The following MAEA variants were observed in gnomAD, a reference collection of about 807,000 sequenced individuals.
MAEA encodes the protein macrophage erythroblast attacher, E3 ubiquitin ligase.
In MAEA, 22 loss-of-function variants were observed where a neutral mutation model predicts 46.2. The observed-to-expected ratio is 0.48, with a 90% confidence interval of 0.34 to 0.68. The LOEUF (loss-of-function observed/expected upper bound fraction) is 0.68. Among genes scored for constraint, MAEA ranks in the 30% least tolerant of loss-of-function variants. The pLI, the probability that MAEA is intolerant of heterozygous loss-of-function variation, is 0.01. For synonymous variants in MAEA, 246 were observed against 222.6 expected, an observed-to-expected ratio of 1.11 and a Z score of -0.94; for missense variants, 393 against 558.1, an observed-to-expected ratio of 0.70 and a Z score of 2.98.
intron 3 of MAEA, among the ~76,000 whole-genome samples, chr4:1,320,565 T>C (rs4974548): frequency 0.69 from 97,620 of 140,940 alleles, 35,007 homozygotes; most frequent in African/African-American, 0.91. Context: ...TGCAAGAAAA[T>C]GCTATGAAGG....
At chr4:1,317,632 G>A (rs1045537694) in intron 3 of MAEA, among the ~76,000 whole-genome samples, 7 of 152,110 alleles carry the variant, frequency 4.6e-5, no homozygotes, top group African/African-American at 1.2e-4. Flanking sequence ...GTGAGTCCTC[G>A]TGTCCTGGAG....
intron 1 of MAEA, among the ~76,000 whole-genome samples, chr4:1,297,289 G>A (rs1001221322): frequency 2.0e-5 from 3 of 152,194 alleles, no homozygotes; most frequent in Non-Finnish European, 2.9e-5. Context: ...CTGGGGCTGC[G>A]GCCTTCGCGG....
At chr4:1,337,314 C>T (rs1467118814) in intron 7 of MAEA, 2 of 292,896 alleles carry the variant, frequency 6.8e-6, no homozygotes, top group Non-Finnish European at 5.9e-6. Context: ...AATAGTTTTC[C>T]CGTGTGATTA....
rs542323045 is a variant in MAEA at position 1,325,130 on chromosome 4, G to A, written c.580-2497G>A. Among the ~76,000 whole-genome samples, 97 of 152,280 alleles carry A rather than the reference G, an allele frequency of 6.4e-4. 1 individual carries two copies. Among genetic ancestry groups the A allele is most frequent in the African/African-American group, 2.2e-3 (91 of 41,554 alleles). The stretch of plus-strand genomic sequence containing the variant: ...GTGCACGCACGCCAGGGGGTGTGTG[G>A]GGAGGCAAGGAGGAGCCAGACTGTG... On this transcript the variant is annotated intron_variant, in intron 4 of 8. Coordinates refer to ENST00000303400, the MANE Select transcript of MAEA (RefSeq NM_001017405.3).
chr4:1,339,207 G>A lies in MAEA; in HGVS notation c.*38G>A. 6.5e-7 allele frequency: 1 copy of A among 1,532,690 alleles called. No homozygotes were observed. Among genetic ancestry groups the A allele is most frequent in the South Asian group, 1.1e-5 (1 of 89,452 alleles). The allele number at this position is 1,532,690 out of a possible 1,614,324, so 94.9% of individuals were successfully genotyped here. A position where few individuals can be genotyped will look rare whatever the true frequency, so the allele number is the denominator to read the frequency against. The stretch of plus-strand genomic sequence containing the variant: ...GAAGCGCACGCCTCGGGGACGGGCT[G>A]CAGTGGGCGGGGAGGCCACGCCTTC... On this transcript the variant is annotated 3_prime_UTR_variant, in exon 9 of 9. Transcript: ENST00000303400.
At chr4:1,310,214 C>T (rs143368611) in intron 1 of MAEA, among the ~76,000 whole-genome samples, 14 of 152,280 alleles carry the variant, frequency 9.2e-5, no homozygotes, top group Middle Eastern at 3.4e-3. Context: ...AGGCCGGTGT[C>T]GGGCTGTGGT....
intron 1 of MAEA, among the ~76,000 whole-genome samples, chr4:1,296,509 C>A (rs1383022207): frequency 6.9e-6 from 1 of 144,628 alleles, no homozygotes; most frequent in African/African-American, 2.7e-5. Context: ...GCCCCCCTCA[C>A]CTGTGCTGTG....
chr4:1,317,003 A>C (rs1286291515), intron 3 of MAEA, among the ~76,000 whole-genome samples: 5 of 31,240 alleles, frequency 1.6e-4, no homozygotes, highest in Non-Finnish European at 1.8e-4. Flanking sequence ...CCCCAGGCCC[A>C]CCCCGGCCCC....
chr4:1,328,201 G>A (rs949629285), intron 5 of MAEA, among the ~76,000 whole-genome samples: 4 of 152,214 alleles, frequency 2.6e-5, no homozygotes, highest in African/African-American at 9.7e-5. Context: ...ACCCAAGGGC[G>A]GCGTGCAGTG....
intron 5 of MAEA, chr4:1,329,284 G>A (rs1381596882): frequency 1.2e-5 from 12 of 982,592 alleles, no homozygotes; most frequent in East Asian, 1.1e-4. Flanking sequence ...CCCGCTCCGC[G>A]TAGGGTCTCT....
In MAEA at chr4:1,336,906, C is replaced by T. The variant is rs376435559; in HGVS notation, c.811C>T (p.Arg271Trp). ...ARWRMLIQQF[R>W]YDNYRLHQLG... ...GTGGCGGATGCTGATCCAGCAGTTC[C>T]GGTACGACAACTACCGACTACACCA... The change falls in exon 7 of 9, where the codon CGG becomes TGG. Residue 271 changes from arginine to tryptophan, a missense_variant. Physicochemically the swap from Arg to Trp is moderately radical, Grantham distance 101. Transcript: ENST00000303400. 8.7e-6 allele frequency: 14 copies of T among 1,613,896 alleles called. No homozygotes were observed. Among genetic ancestry groups the T allele is most frequent in the African/African-American group, 1.3e-5 (1 of 74,906 alleles).
chr4:1,297,196 G>A lies in MAEA; in HGVS notation c.69+7214G>A, dbSNP rs186963836. ...AAGTCAGTTGACAGCGATGTCCCCC[G>A]GCACTTGTTCAGTGACAGCCGAGAA... On this transcript the variant is annotated intron_variant, in intron 1 of 8. Transcript: ENST00000303400. 4.0e-3 allele frequency among the ~76,000 whole-genome samples: 602 copies of A among 152,340 alleles called. 7 individuals are homozygous for A. The highest frequency in any genetic ancestry group is 4.6e-3 in the Non-Finnish European group (312 of 68,030).
rs368069067 is a variant in MAEA, at chr4:1,297,454, C to CGTGTGTGTGTGT, written c.69+7475_69+7476insTGTGTGTGTGTG. Among the ~76,000 whole-genome samples the CGTGTGTGTGTGT allele has an allele frequency of 5.4e-3, 806 of 150,604 alleles. 18 individuals are homozygous for CGTGTGTGTGTGT. Among genetic ancestry groups the CGTGTGTGTGTGT allele is most frequent in the African/African-American group, 0.019 (753 of 40,170 alleles). On this transcript the variant is annotated intron_variant, in intron 1 of 8. Transcript: ENST00000303400. ...AGCTTTGGAGGAGCCTGAAAAAGTA[C>CGTGTGTGTGTGT]GTGCGTATGTGTGTGTGTATACATA...
intron 2 of MAEA, among the ~76,000 whole-genome samples, chr4:1,314,212 A>G (rs1736856194): frequency 6.6e-6 from 1 of 152,046 alleles, no homozygotes. Flanking sequence ...CTGTGGTCCC[A>G]GCTACTCGGG....
At chr4:1,303,690 C>G (rs1735554398) in intron 1 of MAEA, among the ~76,000 whole-genome samples, 1 of 151,986 alleles carries the variant, frequency 6.6e-6, no homozygotes, top group African/African-American at 2.4e-5. Flanking sequence ...TGATGAAAAT[C>G]TAGAAGTAGA....
rs1370716326 is a variant in MAEA, at chr4:1,311,539, A to G, written c.70-440A>G. Among the ~76,000 whole-genome samples, 1 of 152,002 alleles carries G rather than the reference A, an allele frequency of 6.6e-6. No homozygotes were observed. The highest frequency in any genetic ancestry group is 1.5e-5 in the Non-Finnish European group (1 of 67,992). On this transcript the variant is annotated intron_variant, in intron 1 of 8. Transcript: ENST00000303400. The surrounding 1 kb of genome is among the most constrained non-coding windows in gnomAD (Gnocchi z 4.4). ...CCCAACCCCAGCCCGTGTGGAGCCC[A>G]CGCCCCATGCACCCTTGTCCCTGCC...
intron 4 of MAEA, among the ~76,000 whole-genome samples, chr4:1,323,932 G>C (rs1738468873): frequency 6.6e-6 from 1 of 152,084 alleles, no homozygotes; most frequent in Admixed American, 6.6e-5. Flanking sequence ...TGGATGCCTG[G>C]TGGATGAGCG....
chr4:1,335,113 T>C (rs1360445125), intron 6 of MAEA: 2 of 985,314 alleles, frequency 2.0e-6, no homozygotes, highest in East Asian at 2.3e-4. Context: ...ACACGCTCTC[T>C]CTCTTAAGTC....
chr4:1,315,289 C>A (rs1194088537), intron 2 of MAEA, 108 bp from the exon 3 acceptor site: 3 of 1,065,130 alleles, frequency 2.8e-6, no homozygotes, highest in Non-Finnish European at 2.8e-6. Flanking sequence ...TCCCGTAATC[C>A]CTGCTTTTCT....
Sources: gnomAD v4.1 joint callset for allele counts (sites outside exome capture counted in the v4.1 genomes callset) on GRCh38, gnomAD v4.1.1 for gene constraint, Gnocchi (gnomAD v3.1) non-coding constraint, MANE v1.5 for transcripts, NCBI Gene and HGNC (gene_info 2026-07-23, HGNC 2026-07-21) for gene names.